TDRD3: variants seen among roughly 807,000 people sequenced by gnomAD.
The protein encoded by TDRD3 is tudor domain-containing protein 3.
In TDRD3, 45 loss-of-function variants were observed where a neutral mutation model predicts 86.7. The ratio of observed to expected loss-of-function variants is 0.52; its 90% CI spans 0.41 to 0.67. The LOEUF (loss-of-function observed/expected upper bound fraction) is 0.67, where lower values mean the gene tolerates loss of function less well. TDRD3 is among the 30% of genes least tolerant of loss of function. TDRD3 has a pLI of 0.00. For synonymous variants in TDRD3, 298 were observed against 301.7 expected (o/e 0.99, Z 0.13); for missense variants, 814 against 889.0 (o/e 0.92, Z 1.07).
chr13:60,430,517 A>G (rs1230978256), intron 1 of TDRD3, among the ~76,000 whole-genome samples: 2 of 152,292 alleles, frequency 1.3e-5, no homozygotes, highest in Admixed American at 1.3e-4. Flanking sequence ...GAATTAATGT[A>G]TGAAAATATA....
chr13:60,434,438 A>G (rs1277904055), intron 1 of TDRD3, among the ~76,000 whole-genome samples: 1 of 151,428 alleles, frequency 6.6e-6, no homozygotes, highest in Non-Finnish European at 1.5e-5. Flanking sequence ...ACCGCATTCC[A>G]GCCTGGTGAA....
intron 10 of TDRD3, among the ~76,000 whole-genome samples, chr13:60,523,593 T>C (rs79156409): frequency 6.8e-6 from 1 of 147,322 alleles, no homozygotes; most frequent in African/African-American, 2.6e-5. Context: ...TTTTTTTTTT[T>C]TGAGACAGAG....
At chr13:60,507,913 A>T (rs922718925) in intron 8 of TDRD3, among the ~76,000 whole-genome samples, 11 of 152,234 alleles carry the variant, frequency 7.2e-5, no homozygotes, top group African/African-American at 2.7e-4. Flanking sequence ...CTGATAAGCA[A>T]CTTTAGCAAA....
At chr13:60,478,291 ATTTTTTTTTTTTTTT>A (rs34449105) in intron 5 of TDRD3, among the ~76,000 whole-genome samples, 6 of 74,300 alleles carry the variant, frequency 8.1e-5, no homozygotes, top group Non-Finnish European at 1.5e-4. Flanking sequence ...CAGTCTACCA[ATTTTTTTTTTTTTTT>A]TTTTTTTTTT....
At chr13:60,492,372 GC>G in intron 7 of TDRD3, among the ~76,000 whole-genome samples, 1 of 152,138 alleles carries the variant, frequency 6.6e-6, no homozygotes, top group East Asian at 1.9e-4. Context: ...TTTGCCATGT[GC>G]CAGCTACTGA....
intron 1 of TDRD3, among the ~76,000 whole-genome samples, chr13:60,419,212 T>C (rs1369321897): frequency 6.6e-6 from 1 of 152,210 alleles, no homozygotes; most frequent in Non-Finnish European, 1.5e-5. Flanking sequence ...CTCACCAATA[T>C]TCTATTTTCA....
At chr13:60,415,671 T>A (rs1489493668) in intron 1 of TDRD3, among the ~76,000 whole-genome samples, 1 of 152,154 alleles carries the variant, frequency 6.6e-6, no homozygotes, top group African/African-American at 2.4e-5. Context: ...TGTATGCAAA[T>A]AAAATTGCTT....
intron 1 of TDRD3, among the ~76,000 whole-genome samples, chr13:60,439,466 C>A (rs1955202335): frequency 6.6e-6 from 1 of 152,026 alleles, no homozygotes; most frequent in South Asian, 2.1e-4. Flanking sequence ...TATGAATAAT[C>A]CTATTGACAC....
chr13:60,400,627 C>G (rs887115899), intron 1 of TDRD3, among the ~76,000 whole-genome samples: 2 of 151,860 alleles, frequency 1.3e-5, no homozygotes, highest in Non-Finnish European at 2.9e-5. Flanking sequence ...ATCCCAGCTA[C>G]CTGGTGAGGC....
chr13:60,445,163 T>A (rs1053112633), intron 3 of TDRD3, among the ~76,000 whole-genome samples: 12 of 152,320 alleles, frequency 7.9e-5, no homozygotes, highest in Admixed American at 4.6e-4. Flanking sequence ...TAGGAGCAAG[T>A]TGGTGAAGCT....
At chr13:60,493,086 T>G (rs930201698) in intron 7 of TDRD3, among the ~76,000 whole-genome samples, 3 of 151,496 alleles carry the variant, frequency 2.0e-5, no homozygotes, top group East Asian at 2.0e-4. Flanking sequence ...GCCCGGCTAA[T>G]TTTTTGTATT....
At chr13:60,494,707 T>C in intron 8 of TDRD3, 132 bp downstream of exon 8, 1 of 717,294 alleles carries the variant, frequency 1.4e-6, no homozygotes, top group Non-Finnish European at 2.0e-6. Context: ...AGGCTTTCAT[T>C]AAGGATTACA....
At chr13:60,467,140 C>T in intron 4 of TDRD3, 98 bp from the exon 5 acceptor site, 1 of 1,414,416 alleles carries the variant, frequency 7.1e-7, no homozygotes, top group Non-Finnish European at 9.7e-7. Flanking sequence ...CCTCCCACTA[C>T]CCCACTGCCT....
intron 12 of TDRD3, among the ~76,000 whole-genome samples, chr13:60,565,041 C>CTTTTTTTTTTTTTTTTT (rs869194148): frequency 1.4e-5 from 1 of 70,852 alleles, no homozygotes; most frequent in African/African-American, 6.2e-5. Flanking sequence ...CTATCAGTAT[C>CTTTTTTTTTTTTTTTTT]TTTTTTTTTT....
At chr13:60,546,804 C>T (rs1209039922) in intron 12 of TDRD3, among the ~76,000 whole-genome samples, 1 of 152,094 alleles carries the variant, frequency 6.6e-6, no homozygotes, top group African/African-American at 2.4e-5. Context: ...TAAAAACTTA[C>T]ACTCTTTTAT....
Position 60,420,437 on chromosome 13 carries a change from A to G in TDRD3, c.42-19251A>G, listed in dbSNP as rs1023995656. Among the ~76,000 whole-genome samples the G allele has an allele frequency of 5.3e-5, 8 of 151,516 alleles. No homozygotes were observed. In the South Asian group the frequency reaches 6.2e-4, roughly 12 times the overall value. Reference sequence around the variant, plus strand: ...ATGTCCTGTTCAAGAATTGTTGCCTACTTCAAGTTTGTGAAGGTACTTTCT... The same window carrying G: ...ATGTCCTGTTCAAGAATTGTTGCCTGCTTCAAGTTTGTGAAGGTACTTTCT... On this transcript the variant is annotated intron_variant, in intron 1 of 13. Coordinates refer to ENST00000377881, the MANE Select transcript of TDRD3 (RefSeq NM_001146070.2).
chr13:60,405,382 A>G lies in TDRD3; in HGVS notation c.41+7977A>G, dbSNP rs117685946. The stretch of plus-strand genomic sequence containing the variant: ...ACATATTCAAACATACTGCATCTAT[A>G]AAGAATACTAGAGAGGAGAAGAGAC... On this transcript the variant is annotated intron_variant, in intron 1 of 13. Transcript: ENST00000377881. 6.7e-3 allele frequency among the ~76,000 whole-genome samples: 1,015 copies of G among 152,354 alleles called. 9 individuals are homozygous for G. The highest frequency in any genetic ancestry group is 0.01 in the Non-Finnish European group (712 of 68,028).
chr13:60,560,247 G>A (rs1321197674), intron 12 of TDRD3, among the ~76,000 whole-genome samples: 2 of 152,240 alleles, frequency 1.3e-5, no homozygotes, highest in East Asian at 3.9e-4. Context: ...CTATAAAATG[G>A]TGAGATTAAT....
chr13:60,397,144 G>C, upstream of TDRD3: 1 of 391,190 alleles, frequency 2.6e-6, no homozygotes, highest in Non-Finnish European at 4.5e-6. Context: ...CAGCCTGGGA[G>C]CCCCACACCA....
Sources: allele counts gnomAD v4.1 joint callset (sites outside exome capture counted in the v4.1 genomes callset), GRCh38; gene constraint gnomAD v4.1.1; transcripts MANE v1.5; gene names NCBI Gene and HGNC (gene_info 2026-07-23, HGNC 2026-07-21).